The following SLCO1A2 variants were observed in gnomAD, a reference collection of about 807,000 sequenced individuals.
SLCO1A2 encodes OATP-1.
A neutral mutation model predicts 69.0 loss-of-function variants in SLCO1A2; 67 were observed. That is an observed-to-expected ratio of 0.97 (90% CI 0.80 to 1.19). SLCO1A2 has a LOEUF of 1.19. Among genes scored for constraint, SLCO1A2 ranks in the 50% most tolerant of loss-of-function variants. The probability of loss-of-function intolerance (pLI) is 0.00; values close to 1 mark genes in which losing one functional copy is unlikely to be tolerated. For synonymous variants in SLCO1A2, 260 were observed against 265.9 expected, an observed-to-expected ratio of 0.98 and a Z score of 0.22; for missense variants, 787 against 793.7, an observed-to-expected ratio of 0.99 and a Z score of 0.10.
chr12:21,309,232 C>T (rs1173361670), intron 4 of SLCO1A2, among the ~76,000 whole-genome samples: 1 of 151,970 alleles, frequency 6.6e-6, no homozygotes, highest in Non-Finnish European at 1.5e-5. Flanking sequence ...GTCCAATATT[C>T]AAGTAATAGA....
Position 21,268,120 on chromosome 12 carries a change from G to A in SLCO1A2, c.*1428C>T, listed in dbSNP as rs879448088. On this transcript the variant is annotated 3_prime_UTR_variant, in exon 15 of 15. Coordinates refer to ENST00000683939, the MANE Select transcript of SLCO1A2 (RefSeq NM_001386879.1). ...TTCATATGATGCATCTGATCATTTAGGAAATCATATTAACCTGTAAAGCAT... is the reference window on the plus strand; with the variant it reads ...TTCATATGATGCATCTGATCATTTAAGAAATCATATTAACCTGTAAAGCAT... The A allele has an allele frequency of 6.6e-6, 1 of 151,816 alleles. No homozygotes were observed. Among genetic ancestry groups the A allele is most frequent in the Non-Finnish European group, 1.5e-5 (1 of 67,982 alleles). The allele number at this position is 151,816 out of a possible 1,614,324, so 9.4% of individuals were successfully genotyped here. A position where few individuals can be genotyped will look rare whatever the true frequency, so the allele number is the denominator to read the frequency against.
rs573946586 is a variant in SLCO1A2 at position 21,305,613 on chromosome 12, G to A, written c.443-1040C>T. 7.2e-5 allele frequency among the ~76,000 whole-genome samples: 11 copies of A among 152,354 alleles called. No individual in the cohort carries two copies. In the South Asian group the frequency reaches 1.4e-3, roughly 20 times the overall value. On this transcript the variant is annotated intron_variant, in intron 5 of 14. Coordinates refer to ENST00000683939, the MANE Select transcript of SLCO1A2 (RefSeq NM_001386879.1). ...GAAAGCATCAATCCACCTTCCTGGA[G>A]ATGTGCCAGAATGGGAAGGTTTTGC...
intron 3 of SLCO1A2, 142 bp downstream of exon 3, chr12:21,318,640 T>G (rs1168910048): frequency 1.3e-5 from 8 of 602,012 alleles, no homozygotes; most frequent in East Asian, 5.9e-5. Flanking sequence ...TATTCTAAGC[T>G]TAGCTAATCA....
chr12:21,319,994 C>G (rs549144390), intron 2 of SLCO1A2, among the ~76,000 whole-genome samples: 62 of 152,116 alleles, frequency 4.1e-4, no homozygotes, highest in Non-Finnish European at 5.6e-4. Flanking sequence ...TCAAAATGAA[C>G]AAATTATAGA....
intron 2 of SLCO1A2, chr12:21,373,708 A>G (rs1174865832): frequency 4.3e-6 from 3 of 701,680 alleles, no homozygotes; most frequent in Non-Finnish European, 7.8e-6. Flanking sequence ...CAAAGCCAGA[A>G]CATGAAGCGG....
chr12:21,379,598 G>A (rs1485460139), intron 1 of SLCO1A2: 6 of 152,308 alleles, frequency 3.9e-5, no homozygotes, highest in Non-Finnish European at 8.8e-5. Flanking sequence ...GACAGAAGAT[G>A]AAATGCTTTG....
chr12:21,307,530 A>T (rs1293410663), intron 4 of SLCO1A2, among the ~76,000 whole-genome samples: 1 of 152,194 alleles, frequency 6.6e-6, no homozygotes, highest in East Asian at 1.9e-4. Flanking sequence ...CCTTAAGAGA[A>T]TCTCAATCAC....
At chr12:21,310,234 T>C (rs1047220740) in intron 4 of SLCO1A2, among the ~76,000 whole-genome samples, 1 of 152,204 alleles carries the variant, frequency 6.6e-6, no homozygotes, top group African/African-American at 2.4e-5. Flanking sequence ...ATAAAGTGAA[T>C]AACACAATAA....
At chr12:21,401,990 C>G (rs1941720913) in intron 1 of SLCO1A2, among the ~76,000 whole-genome samples, 1 of 151,080 alleles carries the variant, frequency 6.6e-6, no homozygotes, top group South Asian at 2.1e-4. Context: ...CTTCATTCAG[C>G]AAGAAAATAG....
At chr12:21,361,558 A>C (rs1273952093) in intron 2 of SLCO1A2, among the ~76,000 whole-genome samples, 1 of 152,246 alleles carries the variant, frequency 6.6e-6, no homozygotes, top group Non-Finnish European at 1.5e-5. Context: ...AGTTGACAGA[A>C]GAAGGCTTCA....
chr12:21,400,212 C>T (rs563649363), upstream of SLCO1A2, among the ~76,000 whole-genome samples: 17 of 152,196 alleles, frequency 1.1e-4, no homozygotes, highest in South Asian at 2.3e-3. Context: ...AAAAAGTGGG[C>T]GAAGGACATG....
intron 2 of SLCO1A2, among the ~76,000 whole-genome samples, chr12:21,364,694 C>A (rs1394380374): frequency 6.6e-6 from 1 of 152,176 alleles, no homozygotes; most frequent in African/African-American, 2.4e-5. Flanking sequence ...GCAACTTCAG[C>A]AAAATCTCAG....
At chr12:21,279,132 A>T (rs1263252558) in intron 12 of SLCO1A2, among the ~76,000 whole-genome samples, 1 of 152,072 alleles carries the variant, frequency 6.6e-6, no homozygotes, top group Non-Finnish European at 1.5e-5. Context: ...GAGCTTGAAG[A>T]TAGGCTGTTT....
chr12:21,347,884 A>G (rs904150174), intron 2 of SLCO1A2, among the ~76,000 whole-genome samples: 3 of 152,252 alleles, frequency 2.0e-5, no homozygotes, highest in Non-Finnish European at 4.4e-5. Flanking sequence ...ATTTTAAAAT[A>G]ATAAACTTCA....
chr12:21,350,339 G>T (rs1937836210), intron 2 of SLCO1A2, among the ~76,000 whole-genome samples: 1 of 151,286 alleles, frequency 6.6e-6, no homozygotes, highest in South Asian at 2.1e-4. Context: ...CAAAAAAAAA[G>T]AGAGAAAAAA....
rs749884169 is a variant in SLCO1A2, at chr12:21,314,696, A to C, written c.203-15T>G. The C allele has an allele frequency of 1.9e-6, 3 of 1,567,950 alleles. No homozygotes were observed. The highest frequency in any genetic ancestry group is 1.7e-5 in the Admixed American group (1 of 59,600). On this transcript the variant is annotated splice_polypyrimidine_tract_variant and intron_variant, in intron 3 of 14. Coordinates refer to ENST00000683939, the MANE Select transcript of SLCO1A2 (RefSeq NM_001386879.1). ...CAAAAGATTTCCTAGGAAAAAATTGAGAATAATCATTTTAAAAAGTATGAA... is the reference window on the plus strand; with the variant it reads ...CAAAAGATTTCCTAGGAAAAAATTGCGAATAATCATTTTAAAAAGTATGAA...
intron 12 of SLCO1A2, among the ~76,000 whole-genome samples, chr12:21,284,326 G>A (rs1945345391): frequency 6.6e-6 from 1 of 152,198 alleles, no homozygotes; most frequent in South Asian, 2.1e-4. Flanking sequence ...CAGAAGACGG[G>A]TGATTTCTGC....
At chr12:21,280,175 A>G (rs1944533520) in intron 12 of SLCO1A2, among the ~76,000 whole-genome samples, 1 of 152,136 alleles carries the variant, frequency 6.6e-6, no homozygotes, top group African/African-American at 2.4e-5. Flanking sequence ...AAAGGAAGAA[A>G]AAAAGGAAGA....
intron 6 of SLCO1A2, among the ~76,000 whole-genome samples, chr12:21,302,151 C>G (rs11045954): frequency 0.078 from 11,880 of 152,100 alleles, 1,017 homozygotes; most frequent in East Asian, 0.35. Flanking sequence ...CAAATCCACC[C>G]TGCTTTCTCT....
Sources: allele counts gnomAD v4.1 joint callset (sites outside exome capture counted in the v4.1 genomes callset), GRCh38; gene constraint gnomAD v4.1.1; transcripts MANE v1.5; gene names NCBI Gene and HGNC (gene_info 2026-07-23, HGNC 2026-07-21).